The following DNM1 variants were observed in gnomAD, a reference collection of about 807,000 sequenced individuals.
DNM1 encodes the protein dynamin-1.
A neutral mutation model predicts 104.6 loss-of-function variants in DNM1; 29 were observed. The ratio of observed to expected loss-of-function variants is 0.28; its 90% CI spans 0.21 to 0.38. DNM1 has a LOEUF of 0.38. Among genes scored for constraint, DNM1 ranks in the 10% least tolerant of loss-of-function variants. DNM1 has a pLI of 1.00. For synonymous variants in DNM1, 445 were observed against 475.8 expected, an observed-to-expected ratio of 0.94 and a Z score of 0.84; for missense variants, 640 against 1,189.4, an observed-to-expected ratio of 0.54 and a Z score of 6.79.
At chr9:128,231,613 G>A (rs1382558395) in intron 10 of DNM1, among the ~76,000 whole-genome samples, 1 of 152,090 alleles carries the variant, frequency 6.6e-6, no homozygotes, top group Admixed American at 6.5e-5. Flanking sequence ...AGTTTTCTAA[G>A]GTTATCAAGT....
intron 21 of DNM1, chr9:128,251,250 C>A (rs542974255): frequency 1.8e-6 from 1 of 565,564 alleles, no homozygotes; most frequent in African/African-American, 1.9e-5. Context: ...GCCGCCCACA[C>A]GTTGCATTCC....
In DNM1 at chr9:128,254,417, C is replaced by A; in HGVS notation, c.2535-237C>A. ...CCAGCGTGTGTGGGGTGGGGAGGGCCGCCACAGCCCCCAGGCGCTATCTGT... is the reference window on the plus strand; with the variant it reads ...CCAGCGTGTGTGGGGTGGGGAGGGCAGCCACAGCCCCCAGGCGCTATCTGT... On this transcript the variant is annotated intron_variant, in intron 21 of 21. Coordinates refer to ENST00000372923, the MANE Select transcript of DNM1 (RefSeq NM_004408.4). The surrounding 1 kb of genome is among the most constrained non-coding windows in gnomAD (Gnocchi z 6.1). 1 of 1,430,256 alleles carries A rather than the reference C, an allele frequency of 7.0e-7. No individual in the cohort carries two copies. Among genetic ancestry groups the A allele is most frequent in the Non-Finnish European group, 9.1e-7 (1 of 1,099,322 alleles). The allele number at this position is 1,430,256 out of a possible 1,614,324, so 88.6% of individuals were successfully genotyped here. A position where few individuals can be genotyped will look rare whatever the true frequency, so the allele number is the denominator to read the frequency against.
rs1402312778 is a variant in DNM1 at position 128,247,625 on chromosome 9, C to T, written c.1893+139C>T. 2.6e-6 allele frequency: 2 copies of T among 759,282 alleles called. No homozygotes were observed. Among genetic ancestry groups the T allele is most frequent in the Admixed American group, 2.6e-5 (1 of 38,090 alleles). The allele number at this position is 759,282 out of a possible 1,614,324, so 47.0% of individuals were successfully genotyped here. On this transcript the variant is annotated intron_variant, in intron 17 of 21. Coordinates refer to ENST00000372923, the MANE Select transcript of DNM1 (RefSeq NM_004408.4). The surrounding 1 kb of genome is among the most constrained non-coding windows in gnomAD (Gnocchi z 5.1). ...TAATAGGAATCCTCCCCCCTACCCA[C>T]TCTGGGGGTGGGAACAGAGATAAGT...
rs537053166 is a variant in DNM1 at position 128,222,710 on chromosome 9, C to T, written c.1129-83C>T. 3.7e-6 allele frequency: 6 copies of T among 1,601,596 alleles called. No individual in the cohort carries two copies. The highest frequency in any genetic ancestry group is 2.7e-5 in the African/African-American group (2 of 74,616). ...CACCCCACAGGCCCTGATGCCCAGC[C>T]CTAGGTGTGGGGTGGGCCCTGTCTT... On this transcript the variant is annotated intron_variant, in intron 8 of 21. Transcript: ENST00000372923. The surrounding 1 kb of genome is among the most constrained non-coding windows in gnomAD (Gnocchi z 7.8).
Position 128,247,558 on chromosome 9 carries a change from C to A in DNM1, c.1893+72C>A. 8.4e-7 allele frequency: 1 copy of A among 1,183,468 alleles called. No homozygotes were observed. The highest frequency in any genetic ancestry group is 1.2e-6 in the Non-Finnish European group (1 of 811,208). The allele number at this position is 1,183,468 out of a possible 1,614,324, so 73.3% of individuals were successfully genotyped here. A position where few individuals can be genotyped will look rare whatever the true frequency, so the allele number is the denominator to read the frequency against. Reference sequence around the variant, plus strand: ...CCCTGGGGCACCATCCTCAGTGATGCCAAGTCATGCCATGTTTCCGAGCCC... The same window carrying A: ...CCCTGGGGCACCATCCTCAGTGATGACAAGTCATGCCATGTTTCCGAGCCC... On this transcript the variant is annotated intron_variant, in intron 17 of 21. Coordinates refer to ENST00000372923, the MANE Select transcript of DNM1 (RefSeq NM_004408.4). The surrounding 1 kb of genome is among the most constrained non-coding windows in gnomAD (Gnocchi z 5.1).
intron 11 of DNM1, among the ~76,000 whole-genome samples, chr9:128,238,077 G>A (rs986185171): frequency 3.3e-5 from 5 of 150,194 alleles, no homozygotes; most frequent in African/African-American, 1.2e-4. Flanking sequence ...TCCCTGCCCT[G>A]TGCATTTTAA....
Position 128,224,138 on chromosome 9 carries a change from A to G in DNM1, c.1197-113A>G. The G allele has an allele frequency of 7.5e-7, 1 of 1,339,978 alleles. No homozygotes were observed. The highest frequency in any genetic ancestry group is 1.0e-6 in the Non-Finnish European group (1 of 991,476). 83.0% of individuals were successfully genotyped at this position (1,339,978 alleles called of 1,614,324 possible). On this transcript the variant is annotated intron_variant, in intron 9 of 21. Coordinates refer to ENST00000372923, the MANE Select transcript of DNM1 (RefSeq NM_004408.4). The surrounding 1 kb of genome is among the most constrained non-coding windows in gnomAD (Gnocchi z 4.3). ...GGGACACTGAGGCCCAGAGAGGGGTAGTGGAAGGGCCCCTCAGGCAGAGTT... is the reference window on the plus strand; with the variant it reads ...GGGACACTGAGGCCCAGAGAGGGGTGGTGGAAGGGCCCCTCAGGCAGAGTT...
rs901303026 is a variant in DNM1, at chr9:128,203,711, G to A, written c.161+80G>A. 1 of 1,313,264 alleles carries A rather than the reference G, an allele frequency of 7.6e-7. No individual in the cohort carries two copies. The highest frequency in any genetic ancestry group is 1.6e-5 in the African/African-American group (1 of 63,788). The allele number at this position is 1,313,264 out of a possible 1,614,324, so 81.4% of individuals were successfully genotyped here. On this transcript the variant is annotated intron_variant, in intron 1 of 21. Transcript: ENST00000372923. This position sits in a 1 kb window ranked among gnomAD's most constrained non-coding sequence, Gnocchi z 5.3. ...CCCCGCCCGGGGCACTGACGGCGCGGCGACCTCGCAGCCCCCGACGCTGCA... is the reference window on the plus strand; with the variant it reads ...CCCCGCCCGGGGCACTGACGGCGCGACGACCTCGCAGCCCCCGACGCTGCA...
rs1181319175 is a variant in DNM1, at chr9:128,222,496, G to T, written c.1028G>T (p.Arg343Leu). The change falls in exon 8 of 22, where the codon CGC becomes CTC. Residue 343 changes from arginine (R) to leucine (L), a missense_variant. Arg to Leu is a moderately radical substitution (Grantham distance 102). This residue lies in a region of DNM1 where 38 missense variants were observed against 113.5 expected (regional missense o/e 0.33). Transcript: ENST00000372923. The surrounding 1 kb of genome is among the most constrained non-coding windows in gnomAD (Gnocchi z 7.8). Reference sequence around the variant, plus strand: ...CAGTTCGCCGTAGACTTTGAGAAGCGCATTGAGGGCTCAGGAGATCAGATC... The same window carrying T: ...CAGTTCGCCGTAGACTTTGAGAAGCTCATTGAGGGCTCAGGAGATCAGATC... ...VQQFAVDFEK[R>L]IEGSGDQIDT... is the part of the protein sequence containing the mutation. The T allele has an allele frequency of 1.2e-6, 2 of 1,614,158 alleles. No homozygotes were observed. Among genetic ancestry groups the T allele is most frequent in the Non-Finnish European group, 8.5e-7 (1 of 1,180,012 alleles).
At chr9:128,234,172 C>T (rs1248753959) in intron 11 of DNM1, 65 bp downstream of exon 11, 2 of 1,337,780 alleles carry the variant, frequency 1.5e-6, no homozygotes, top group East Asian at 2.6e-5. Flanking sequence ...GCGCCTTCCA[C>T]TCCTGGCCCT....
chr9:128,216,869 C>T (rs1038671455), intron 1 of DNM1, among the ~76,000 whole-genome samples: 3 of 152,176 alleles, frequency 2.0e-5, no homozygotes, highest in Non-Finnish European at 2.9e-5. Context: ...ATGAATAAGG[C>T]GCTGGCTGTG....
intron 16 of DNM1, chr9:128,246,819 T>G: frequency 5.1e-6 from 2 of 394,926 alleles, no homozygotes; most frequent in African/African-American, 2.1e-5. Context: ...CCTCCGTCCC[T>G]TCCTCCCTTC....
At chr9:128,223,012 A>T in intron 9 of DNM1, 152 bp downstream of exon 9, 1 of 756,260 alleles carries the variant, frequency 1.3e-6, no homozygotes. Flanking sequence ...TCCCTGCATG[A>T]CAGGCTCCAG....
chr9:128,253,233 C>A lies in DNM1; in HGVS notation c.2535-1421C>A. The A allele has an allele frequency of 9.1e-7, 1 of 1,103,390 alleles. No homozygotes were observed. The highest frequency in any genetic ancestry group is 1.3e-6 in the Non-Finnish European group (1 of 747,910). The allele number at this position is 1,103,390 out of a possible 1,614,324, so 68.3% of individuals were successfully genotyped here. ...GCGCACCTGGGACCTCAGAGCCAGG[C>A]TCCCCGCCCCTCCCTTCTGCAGCTG... On this transcript the variant is annotated intron_variant, in intron 21 of 21. Coordinates refer to ENST00000372923, the MANE Select transcript of DNM1 (RefSeq NM_004408.4). This position sits in a 1 kb window ranked among gnomAD's most constrained non-coding sequence, Gnocchi z 5.9.
At position 128,250,234 on chromosome 9, in the gene DNM1, C is replaced by T; in HGVS notation, c.2196C>T (p.Tyr732=). Residue 732 remains tyrosine, a synonymous_variant, in exon 20 of 22, where the codon TAC becomes TAT. Coordinates refer to ENST00000372923, the MANE Select transcript of DNM1 (RefSeq NM_004408.4). ...AQRRDEMLRM[Y]HALKEALSII... is the part of the protein sequence containing the mutation. ...GGCGCGACGAGATGCTGCGCATGTA[C>T]CACGCACTGAAGGAGGCGCTCAGCA... 1 of 1,614,136 alleles carries T rather than the reference C, an allele frequency of 6.2e-7. No homozygotes were observed. Among genetic ancestry groups the T allele is most frequent in the South Asian group, 1.1e-5 (1 of 91,076 alleles).
chr9:128,229,779 G>C (rs1480725252), intron 10 of DNM1, among the ~76,000 whole-genome samples: 1 of 152,008 alleles, frequency 6.6e-6, no homozygotes, highest in Non-Finnish European at 1.5e-5. Context: ...CGGGTGTGGT[G>C]GTGGGCACCT....
At position 128,222,114 on chromosome 9, in the gene DNM1, G is replaced by A. The variant is rs1327827605; in HGVS notation, c.850-83G>A. On this transcript the variant is annotated intron_variant, in intron 6 of 21. Transcript: ENST00000372923. The surrounding 1 kb of genome is among the most constrained non-coding windows in gnomAD (Gnocchi z 7.8). ...CCTCCATAGCTCTCCACCTCACCAC[G>A]TTCACACAGTCCCCTGGCATCCAAG... 1.3e-5 allele frequency: 19 copies of A among 1,516,734 alleles called. No individual in the cohort carries two copies. The highest frequency in any genetic ancestry group is 2.0e-4 in the Middle Eastern group (1 of 5,104). 94.0% of individuals were successfully genotyped at this position (1,516,734 alleles called of 1,614,324 possible).
At position 128,247,783 on chromosome 9, in the gene DNM1, T is replaced by G. The variant is rs116065224; in HGVS notation, c.1894-141T>G. The G allele has an allele frequency of 3.7e-4, 413 of 1,109,362 alleles. 2 individuals carry two copies. In the African/African-American group the frequency reaches 5.8e-3, roughly 16 times the overall value. The allele number at this position is 1,109,362 out of a possible 1,614,324, so 68.7% of individuals were successfully genotyped here. ...TTCTCTTTTCTCCCCTATTTCACTG[T>G]GGCGATGTCTAGAGTAGCCTGAGAG... On this transcript the variant is annotated intron_variant, in intron 17 of 21. Coordinates refer to ENST00000372923, the MANE Select transcript of DNM1 (RefSeq NM_004408.4). The surrounding 1 kb of genome is among the most constrained non-coding windows in gnomAD (Gnocchi z 5.1).
At position 128,240,390 on chromosome 9, in the gene DNM1, G is replaced by A. The variant is rs779145977; in HGVS notation, c.1557+394G>A. On this transcript the variant is annotated intron_variant, in intron 14 of 21. Coordinates refer to ENST00000372923, the MANE Select transcript of DNM1 (RefSeq NM_004408.4). The surrounding 1 kb of genome is among the most constrained non-coding windows in gnomAD (Gnocchi z 5.1). ...ATGAGAAGTCAAGAGAAGTCAAGAAGTCACTGCTCACCTGGCCTCCTGCTC... is the reference window on the plus strand; with the variant it reads ...ATGAGAAGTCAAGAGAAGTCAAGAAATCACTGCTCACCTGGCCTCCTGCTC... 16 of 235,168 alleles carry A rather than the reference G, an allele frequency of 6.8e-5. No individual in the cohort carries two copies. The highest frequency in any genetic ancestry group is 1.3e-4 in the Non-Finnish European group (15 of 119,094). 14.6% of individuals were successfully genotyped at this position (235,168 alleles called of 1,614,324 possible).
Sources: allele counts gnomAD v4.1 joint callset (sites outside exome capture counted in the v4.1 genomes callset), GRCh38; gene constraint gnomAD v4.1.1; regional missense constraint gnomAD v4.1.1; non-coding constraint Gnocchi (gnomAD v3.1); transcripts MANE v1.5; gene names NCBI Gene and HGNC (gene_info 2026-07-23, HGNC 2026-07-21).